IFT140: variants seen among roughly 807,000 people sequenced by gnomAD.
The protein encoded by IFT140 is intraflagellar transport 140, also known as intraflagellar transport protein 140 homolog.
IFT140 carries 133 observed loss-of-function variants against 164.6 expected under a neutral mutation model. The observed-to-expected ratio is 0.81, with a 90% CI of 0.70 to 0.93. The LOEUF (loss-of-function observed/expected upper bound fraction) is 0.93. IFT140 is among the 40% of genes least tolerant of loss of function. IFT140 has a pLI of 0.00. For missense variants in IFT140, 2,045 were observed against 1,972.3 expected, an observed-to-expected ratio of 1.04 and a Z score of -0.70; for synonymous variants, 860 against 817.3, an observed-to-expected ratio of 1.05 and a Z score of -0.89.
intron 4 of IFT140, among the ~76,000 whole-genome samples, chr16:1,594,369 C>A (rs1463630056): frequency 2.0e-5 from 3 of 152,052 alleles, no homozygotes; most frequent in African/African-American, 7.2e-5. Flanking sequence ...TACAGATGCT[C>A]ACCACCACAG....
chr16:1,522,734 A>G (rs2040560410), intron 26 of IFT140, among the ~76,000 whole-genome samples: 1 of 152,140 alleles, frequency 6.6e-6, no homozygotes, highest in African/African-American at 2.4e-5. Flanking sequence ...GCTACTTGGG[A>G]GGCTGAAGCA....
intron 19 of IFT140, among the ~76,000 whole-genome samples, chr16:1,544,765 C>T (rs959532586): frequency 6.6e-6 from 1 of 152,022 alleles, no homozygotes; most frequent in African/African-American, 2.4e-5. Context: ...TCTCCTGCCT[C>T]AGCCTCCCGA....
chr16:1,525,856 G>A (rs965030823), intron 21 of IFT140, 31 bp downstream of exon 21: 6 of 1,495,370 alleles, frequency 4.0e-6, no homozygotes, highest in Non-Finnish European at 4.5e-6. Flanking sequence ...ATCCAGAGAG[G>A]CAGGGAAGAG....
intron 10 of IFT140, 46 bp downstream of exon 10, chr16:1,586,084 T>A (rs201833966): frequency 1.9e-6 from 3 of 1,603,592 alleles, no homozygotes; most frequent in Non-Finnish European, 2.5e-6. Context: ...GTCTCCACTT[T>A]CATGCAGCAG....
chr16:1,546,278 G>A (rs917618520), intron 19 of IFT140, among the ~76,000 whole-genome samples: 2 of 152,230 alleles, frequency 1.3e-5, no homozygotes, highest in Non-Finnish European at 2.9e-5. Flanking sequence ...AGGCAGCCTA[G>A]GCCGGGAGGC....
Position 1,564,215 on chromosome 16 carries a change from C to T in IFT140, c.1902-53G>A. ...ACCCCAGGGCGGGCACTCCTGCTAC[C>T]AGTCTCCCTCCCACACACATTCCCG... On this transcript the variant is annotated intron_variant, in intron 16 of 30. Transcript: ENST00000426508. This position sits in a 1 kb window ranked among gnomAD's most constrained non-coding sequence, Gnocchi z 5.5. The T allele has an allele frequency of 2.7e-6, 4 of 1,464,312 alleles. No individual in the cohort carries two copies. The highest frequency in any genetic ancestry group is 2.8e-6 in the Non-Finnish European group (3 of 1,082,330). 90.7% of individuals were successfully genotyped at this position (1,464,312 alleles called of 1,614,324 possible).
intron 29 of IFT140, among the ~76,000 whole-genome samples, chr16:1,519,568 GC>G (rs1217291429): frequency 6.6e-6 from 1 of 151,986 alleles, no homozygotes; most frequent in African/African-American, 2.4e-5. Context: ...CCCCTGCCCG[GC>G]CCCTGCACAC....
intron 13 of IFT140, among the ~76,000 whole-genome samples, chr16:1,573,584 C>A (rs1285703611): frequency 6.6e-6 from 1 of 152,140 alleles, no homozygotes; most frequent in Non-Finnish European, 1.5e-5. Context: ...GAGTTCCTGT[C>A]TTAAAGGTGC....
rs2745176 is a variant in IFT140, at chr16:1,523,809, A to T, written c.3270+19T>A. ...CTTGCTGCCCCTCCCCCAGGTCCCC[A>T]CCGGTGGCCAGCCCTCACCTTGTGG... On this transcript the variant is annotated intron_variant, in intron 25 of 30. Coordinates refer to ENST00000426508, the MANE Select transcript of IFT140 (RefSeq NM_014714.4). 1 of 1,610,784 alleles carries T rather than the reference A, an allele frequency of 6.2e-7. No individual in the cohort carries two copies.
intron 4 of IFT140, among the ~76,000 whole-genome samples, chr16:1,594,062 A>G (rs1007531334): frequency 2.0e-5 from 3 of 152,150 alleles, no homozygotes; most frequent in African/African-American, 7.2e-5. Context: ...CTGGGTTATC[A>G]TCCAAGGCTG....
intron 19 of IFT140, chr16:1,534,485 A>G: frequency 6.2e-7 from 1 of 1,610,472 alleles, no homozygotes; most frequent in Admixed American, 1.7e-5. Flanking sequence ...AGGTGGACGC[A>G]CATGACTGTG....
At position 1,520,611 on chromosome 16, in the gene IFT140, G is replaced by C; in HGVS notation, c.3651C>G (p.Asn1217Lys). The change falls in exon 27 of 31, where the codon AAC becomes AAG. Residue 1217 changes from asparagine to lysine, a missense_variant. Coordinates refer to ENST00000426508, the MANE Select transcript of IFT140 (RefSeq NM_014714.4). Reference sequence around the variant, plus strand: ...GCCGGGAGAGGCTCACCTTCAGCTTGTTGCCGGCCTGCGTGTACTTCTTGG... The same window carrying C: ...GCCGGGAGAGGCTCACCTTCAGCTTCTTGCCGGCCTGCGTGTACTTCTTGG... ...LATKKYTQAG[N>K]KLKAMRALLK... The C allele has an allele frequency of 6.3e-7, 1 of 1,583,348 alleles. No individual in the cohort carries two copies. Among genetic ancestry groups the C allele is most frequent in the South Asian group, 1.1e-5 (1 of 87,910 alleles).
At chr16:1,604,131 CA>C (rs2035929980) in intron 3 of IFT140, among the ~76,000 whole-genome samples, 2 of 152,124 alleles carry the variant, frequency 1.3e-5, no homozygotes, top group Non-Finnish European at 2.9e-5. Context: ...AGAATCTACC[CA>C]AAAAAATGGG....
rs1244653179 is a variant in IFT140 at position 1,523,549 on chromosome 16, C to A, written c.3422G>T (p.Arg1141Met). 6.2e-7 allele frequency: 1 copy of A among 1,612,964 alleles called. No homozygotes were observed. Among genetic ancestry groups the A allele is most frequent in the Non-Finnish European group, 8.5e-7 (1 of 1,179,914 alleles). Residue 1141 changes from arginine to methionine, a missense_variant, in exon 26 of 31, where the codon AGG becomes ATG. By Grantham distance (91) the Arg-to-Met change is moderately conservative (BLOSUM62 -1). Coordinates refer to ENST00000426508, the MANE Select transcript of IFT140 (RefSeq NM_014714.4). The stretch of plus-strand genomic sequence containing the variant: ...GGCAGCCAGCAGCAGCTCTACCGCC[C>A]TCTCGTACTGACTGTGCTCGATGAA... ...DFFIEHSQYE[R>M]AVELLLAARK...
intron 10 of IFT140, among the ~76,000 whole-genome samples, chr16:1,585,362 T>C (rs1047595958): frequency 2.0e-5 from 3 of 152,082 alleles, no homozygotes; most frequent in Non-Finnish European, 2.9e-5. Flanking sequence ...ACATCCAGAA[T>C]GGGCAAATCC....
intron 19 of IFT140, chr16:1,534,205 C>A: frequency 6.3e-7 from 1 of 1,579,120 alleles, no homozygotes. Flanking sequence ...GCAGCGTCGG[C>A]TCTCCCTGGA....
At chr16:1,568,088 TG>T in intron 15 of IFT140, 128 bp downstream of exon 15, 2 of 642,910 alleles carry the variant, frequency 3.1e-6, no homozygotes, top group Non-Finnish European at 5.5e-6. Flanking sequence ...GGAAGGAGAG[TG>T]GGGCTGAACA....
chr16:1,523,732 CGAGGCCTGGGGGCCCGAGCACG>C (rs1262967692), intron 25 of IFT140, 32 bp from the exon 26 acceptor site: 4 of 1,607,168 alleles, frequency 2.5e-6, no homozygotes, highest in Admixed American at 3.3e-5. Context: ...AGCAGCTGCC[CGAGGCCTGGGGGCCCGAGCACG>C]GAGGCCTCGC....
At chr16:1,555,272 A>C in intron 19 of IFT140, 2 of 503,700 alleles carry the variant, frequency 4.0e-6, no homozygotes, top group Non-Finnish European at 3.5e-6. Flanking sequence ...CGGCTCCACG[A>C]CCACACGCAC....
Sources: gnomAD v4.1 joint callset for allele counts (sites outside exome capture counted in the v4.1 genomes callset) on GRCh38, gnomAD v4.1.1 for gene constraint, Gnocchi (gnomAD v3.1) non-coding constraint, MANE v1.5 for transcripts, NCBI Gene and HGNC (gene_info 2026-07-23, HGNC 2026-07-21) for gene names.